Variants in BRINP1 observed in about 807,000 individuals in gnomAD.
BRINP1 encodes the protein BMP/retinoic acid inducible neural specific 1.
BRINP1 carries 17 observed loss-of-function variants against 72.9 expected under a neutral mutation model. That is an observed-to-expected ratio of 0.23 (90% CI 0.16 to 0.35). The LOEUF is 0.35. Among genes scored for constraint, BRINP1 ranks in the 10% least tolerant of loss-of-function variants. The pLI is 1.00. For missense variants in BRINP1, 850 were observed against 1,001.6 expected (o/e 0.85, Z 2.04); for synonymous variants, 418 against 378.5 (o/e 1.10, Z -1.21).
chr9:119,360,432 T>C (rs565402033), intron 1 of BRINP1, among the ~76,000 whole-genome samples: 2 of 152,320 alleles, frequency 1.3e-5, no homozygotes, highest in East Asian at 1.9e-4. Context: ...GCTTATCCAC[T>C]ACCATGTAAA....
chr9:119,214,587 T>TA (rs57097317), intron 5 of BRINP1, among the ~76,000 whole-genome samples: 1,913 of 144,034 alleles, frequency 0.013, 27 homozygotes, highest in African/African-American at 0.034. Flanking sequence ...CCTGTAGAGA[T>TA]AAAAAAAAAA....
chr9:119,242,006 G>T (rs191239150), intron 4 of BRINP1, 41 bp downstream of exon 4: 3 of 1,593,226 alleles, frequency 1.9e-6, no homozygotes, highest in Admixed American at 1.7e-5. Context: ...CAGTGTTGTT[G>T]TATTGAGAAC....
rs115708776 is a variant in BRINP1 at position 119,209,770 on chromosome 9, G to A, written c.923-829C>T. On this transcript the variant is annotated intron_variant, in intron 6 of 7. Coordinates refer to ENST00000265922, the MANE Select transcript of BRINP1 (RefSeq NM_014618.3). The stretch of plus-strand genomic sequence containing the variant: ...GTTGAAATGCAGGCAATTAGCAAGT[G>A]TTAGGTGTTAAAGGCATGCTAGCAC... Among the ~76,000 whole-genome samples the A allele has an allele frequency of 2.3e-3, 347 of 152,308 alleles. 1 individual carries two copies. The highest frequency in any genetic ancestry group is 8.1e-3 in the African/African-American group (336 of 41,568).
At chr9:119,350,522 G>A (rs1831496610) in intron 1 of BRINP1, among the ~76,000 whole-genome samples, 1 of 152,000 alleles carries the variant, frequency 6.6e-6, no homozygotes, top group Non-Finnish European at 1.5e-5. Context: ...TGCTTTGCTG[G>A]ATGACTCAGG....
intron 3 of BRINP1, among the ~76,000 whole-genome samples, chr9:119,243,724 T>C (rs973385072): frequency 6.6e-6 from 1 of 152,236 alleles, no homozygotes; most frequent in Non-Finnish European, 1.5e-5. Flanking sequence ...AATTGATTTC[T>C]CCTTTTTGTC....
chr9:119,202,922 T>C (rs142557308), intron 7 of BRINP1, among the ~76,000 whole-genome samples: 3 of 152,222 alleles, frequency 2.0e-5, no homozygotes, highest in Admixed American at 6.5e-5. Context: ...GTATGCTGAG[T>C]TGGACTGCAC....
At chr9:119,196,669 T>C (rs914751504) in intron 7 of BRINP1, among the ~76,000 whole-genome samples, 2 of 152,200 alleles carry the variant, frequency 1.3e-5, no homozygotes, top group African/African-American at 4.8e-5. Context: ...TCTTGGGTGA[T>C]CCTCTCAATA....
chr9:119,347,946 T>C (rs557576678), intron 1 of BRINP1, among the ~76,000 whole-genome samples: 37 of 152,200 alleles, frequency 2.4e-4, no homozygotes, highest in Non-Finnish European at 4.4e-5. Flanking sequence ...TTTACTACAA[T>C]CCATGAACCT....
At chr9:119,248,847 A>G (rs1588177073) in intron 3 of BRINP1, 113 bp downstream of exon 3, 2 of 924,022 alleles carry the variant, frequency 2.2e-6, no homozygotes, top group Non-Finnish European at 3.2e-6. Context: ...CTTTTGTGTG[A>G]TGTAGAATGG....
intron 2 of BRINP1, among the ~76,000 whole-genome samples, chr9:119,263,520 C>G (rs187870329): frequency 4.0e-4 from 61 of 151,896 alleles, no homozygotes; most frequent in African/African-American, 1.4e-3. Flanking sequence ...AGACAGTTAC[C>G]TCCATTGGAC....
chr9:119,200,636 G>GAAAAAAA (rs774466695), intron 7 of BRINP1, among the ~76,000 whole-genome samples: 1 of 121,208 alleles, frequency 8.3e-6, no homozygotes, highest in Non-Finnish European at 1.7e-5. Flanking sequence ...GAAAAAAAAA[G>GAAAAAAA]AAAAAAAAAA....
At chr9:119,274,751 A>T (rs182000789) in intron 2 of BRINP1, among the ~76,000 whole-genome samples, 1 of 152,178 alleles carries the variant, frequency 6.6e-6, no homozygotes, top group South Asian at 2.1e-4. Flanking sequence ...AAGCACAGAG[A>T]AGTTAGTGAC....
At chr9:119,258,863 G>A (rs1047709645) in intron 2 of BRINP1, among the ~76,000 whole-genome samples, 1 of 152,138 alleles carries the variant, frequency 6.6e-6, no homozygotes, top group African/African-American at 2.4e-5. Flanking sequence ...GGAAACCAAG[G>A]CCCAGAGCAG....
intron 7 of BRINP1, among the ~76,000 whole-genome samples, chr9:119,193,470 C>G (rs988628325): frequency 6.6e-6 from 1 of 151,908 alleles, no homozygotes; most frequent in Non-Finnish European, 1.5e-5. Flanking sequence ...TCAAAGGATA[C>G]AAAATAACAA....
intron 1 of BRINP1, among the ~76,000 whole-genome samples, chr9:119,354,014 GAA>G (rs1831533073): frequency 6.6e-6 from 1 of 151,586 alleles, no homozygotes; most frequent in South Asian, 2.1e-4. Context: ...GAGGGAGAGA[GAA>G]AGAGGTGAAA....
intron 2 of BRINP1, among the ~76,000 whole-genome samples, chr9:119,305,599 A>G (rs1167624411): frequency 6.6e-6 from 1 of 152,064 alleles, no homozygotes; most frequent in East Asian, 1.9e-4. Context: ...ATGAATCCTA[A>G]TCCTCCTTGA....
At chr9:119,249,856 G>GGAAGGAAGAAAGGAAGGAAGGA (rs773621651) in intron 2 of BRINP1, among the ~76,000 whole-genome samples, 1 of 16,204 alleles carries the variant, frequency 6.2e-5, no homozygotes, top group African/African-American at 3.4e-4. Flanking sequence ...GGAAGGAAGG[G>GGAAGGAAGAAAGGAAGGAAGGA]AGGGAGGGAG....
intron 5 of BRINP1, among the ~76,000 whole-genome samples, chr9:119,229,379 T>C (rs1204643096): frequency 6.6e-6 from 1 of 152,032 alleles, no homozygotes; most frequent in Non-Finnish European, 1.5e-5. Context: ...ACAACAACCA[T>C]AGGAAGTAAG....
chr9:119,249,256 C>A, intron 2 of BRINP1, 106 bp from the exon 3 acceptor site: 1 of 1,055,652 alleles, frequency 9.5e-7, no homozygotes, highest in South Asian at 1.7e-5. Flanking sequence ...GGGAAAGTGC[C>A]TACAATTTTA....
Sources: gnomAD v4.1 joint callset for allele counts (sites outside exome capture counted in the v4.1 genomes callset) on GRCh38, gnomAD v4.1.1 for gene constraint, MANE v1.5 for transcripts, NCBI Gene and HGNC (gene_info 2026-07-23, HGNC 2026-07-21) for gene names.